Variants in ARK2N observed in about 807,000 individuals in gnomAD.
ARK2N encodes arkadia (RNF111) N-terminal like PKA signaling regulator 2N, also known as protein ARK2N.
At chr18:46,217,721 T>G in the ARK2N span, 2 of 152,160 alleles carry the variant, frequency 1.3e-5, no homozygotes, top group Non-Finnish European at 2.9e-5. Flanking sequence ...TGATAATAAG[T>G]CTTGTCCATA....
chr18:46,195,993 T>G, the ARK2N span, among the ~76,000 whole-genome samples: 4 of 151,864 alleles, frequency 2.6e-5, no homozygotes, highest in African/African-American at 9.7e-5. Context: ...TTCTTTTTTT[T>G]TTTTGAGACA....
At chr18:46,184,179 A>G in the ARK2N span, among the ~76,000 whole-genome samples, 1 of 152,090 alleles carries the variant, frequency 6.6e-6, no homozygotes, top group African/African-American at 2.4e-5. Flanking sequence ...TTTAGTAGAG[A>G]CGGGGTTTCA....
chr18:46,259,909 TG>T, the ARK2N span, among the ~76,000 whole-genome samples: 1 of 23,944 alleles, frequency 4.2e-5, no homozygotes, highest in Non-Finnish European at 1.3e-4. Flanking sequence ...GCGACAGAGA[TG>T]GGGTTTCACC....
chr18:46,192,042 C>G, the ARK2N span, among the ~76,000 whole-genome samples: 1 of 152,168 alleles, frequency 6.6e-6, no homozygotes, highest in Non-Finnish European at 1.5e-5. Flanking sequence ...TTTATCCATT[C>G]ACCTACTGAA....
chr18:46,226,714 C>T, the ARK2N span, among the ~76,000 whole-genome samples: 1 of 151,876 alleles, frequency 6.6e-6, no homozygotes, highest in Admixed American at 6.6e-5. Context: ...TACTGTGAGA[C>T]ACAGCTAAAT....
At chr18:46,209,366 G>A in the ARK2N span, among the ~76,000 whole-genome samples, 2 of 151,328 alleles carry the variant, frequency 1.3e-5, no homozygotes, top group African/African-American at 4.9e-5. Flanking sequence ...GACCAAGAAG[G>A]AGGTCTGATA....
the ARK2N span, among the ~76,000 whole-genome samples, chr18:46,194,458 T>G: frequency 6.7e-6 from 1 of 150,022 alleles, no homozygotes; most frequent in African/African-American, 2.5e-5. Context: ...TTACAGAATC[T>G]TTTTTTTGTT....
the ARK2N span, chr18:46,264,335 A>G: frequency 6.6e-6 from 1 of 152,666 alleles, no homozygotes; most frequent in Admixed American, 6.5e-5. Context: ...TGTAGTTACT[A>G]GTGAATTCTT....
chr18:46,205,492 G>A, the ARK2N span, among the ~76,000 whole-genome samples: 1 of 152,122 alleles, frequency 6.6e-6, no homozygotes, highest in Non-Finnish European at 1.5e-5. Context: ...TTTTCTCTGT[G>A]TTTTACGGGT....
the ARK2N span, chr18:46,262,922 A>G: frequency 1.9e-5 from 31 of 1,612,288 alleles, no homozygotes; most frequent in Admixed American, 3.3e-5. Context: ...CTTCATCTCA[A>G]TTGCAGGTGT....
At chr18:46,207,455 T>C in the ARK2N span, among the ~76,000 whole-genome samples, 1 of 147,146 alleles carries the variant, frequency 6.8e-6, no homozygotes, top group Non-Finnish European at 1.5e-5. Context: ...AGTGGTGTGG[T>C]CTCAGCTCAC....
At chr18:46,245,326 G>A in the ARK2N span, among the ~76,000 whole-genome samples, 1 of 151,998 alleles carries the variant, frequency 6.6e-6, no homozygotes, top group Admixed American at 6.5e-5. Context: ...CTGGCATTTT[G>A]GGAGTCCGAG....
the ARK2N span, among the ~76,000 whole-genome samples, chr18:46,245,668 AT>A: frequency 6.7e-6 from 1 of 150,278 alleles, no homozygotes; most frequent in African/African-American, 2.4e-5. Context: ...TATTTTTTTT[AT>A]GCCTAGCATG....
At chr18:46,203,293 G>A in the ARK2N span, among the ~76,000 whole-genome samples, 2 of 152,142 alleles carry the variant, frequency 1.3e-5, no homozygotes, top group Non-Finnish European at 2.9e-5. Flanking sequence ...TTATACAGTG[G>A]AATACTTTGC....
the ARK2N span, among the ~76,000 whole-genome samples, chr18:46,229,840 G>C: frequency 6.6e-6 from 1 of 152,042 alleles, no homozygotes; most frequent in African/African-American, 2.4e-5. Flanking sequence ...CTAAGCTCAA[G>C]GGATCCCCCA....
At chr18:46,225,946 A>G in the ARK2N span, among the ~76,000 whole-genome samples, 1 of 152,226 alleles carries the variant, frequency 6.6e-6, no homozygotes, top group East Asian at 1.9e-4. Context: ...AAATATAAAT[A>G]AAACAAAAAA....
the ARK2N span, among the ~76,000 whole-genome samples, chr18:46,259,693 C>G: frequency 6.6e-6 from 1 of 151,260 alleles, no homozygotes; most frequent in African/African-American, 2.4e-5. Flanking sequence ...GCAGCCTCGA[C>G]CGCCAAGGCT....
At chr18:46,235,510 A>G in the ARK2N span, among the ~76,000 whole-genome samples, 4 of 152,228 alleles carry the variant, frequency 2.6e-5, no homozygotes, top group East Asian at 7.7e-4. Flanking sequence ...GTTCTTTGTT[A>G]ACGTCTTCTT....
At chr18:46,182,710 T>C in the ARK2N span, among the ~76,000 whole-genome samples, 1 of 147,292 alleles carries the variant, frequency 6.8e-6, no homozygotes, top group Non-Finnish European at 1.5e-5. Flanking sequence ...TTTTTGCATT[T>C]GATAACTTCT....
Sources: gnomAD v4.1 joint callset for allele counts (sites outside exome capture counted in the v4.1 genomes callset) on GRCh38, gnomAD v4.1.1 for gene constraint, MANE v1.5 for transcripts, NCBI Gene and HGNC (gene_info 2026-07-23, HGNC 2026-07-21) for gene names.